The following KMT2E variants were observed in gnomAD, a reference collection of about 807,000 sequenced individuals.
KMT2E encodes histone reader KMT2E.
KMT2E carries 30 observed loss-of-function variants against 184.6 expected under a neutral mutation model. The ratio of observed to expected loss-of-function variants is 0.16; its 90% CI spans 0.12 to 0.22. KMT2E has a LOEUF of 0.22. Ranked by LOEUF, KMT2E falls within the 10% of genes least tolerant of loss-of-function variation. The pLI is 1.00. For synonymous variants in KMT2E, 815 were observed against 776.5 expected (o/e 1.05, Z -0.82); for missense variants, 2,023 against 2,237.4 (o/e 0.90, Z 1.93).
intron 6 of KMT2E, among the ~76,000 whole-genome samples, chr7:105,068,676 T>C (rs890229727): frequency 4.2e-5 from 6 of 142,930 alleles, no homozygotes; most frequent in Middle Eastern, 3.6e-3. Flanking sequence ...GGTTTCACCA[T>C]GTTGTCCAGG....
Position 105,090,037 on chromosome 7 carries a change from A to G in KMT2E, c.1387A>G (p.Lys463Glu), listed in dbSNP as rs201339599. Reference protein sequence around the residue: ...CKYKVDCACLKENPECPVLKR... With the variant: ...CKYKVDCACLEENPECPVLKR... ...GTACAAGGTGGACTGTGCATGCCTC[A>G]AAGAAAACCCAGAGTGCCCTGTTCT... The change falls in exon 14 of 27, where the codon AAA (lysine) becomes GAA (glutamate). Residue 463 changes from lysine to glutamate, a missense_variant. Physicochemically the swap from Lys to Glu is moderately conservative, Grantham distance 56 (BLOSUM62 1). Transcript: ENST00000311117. The G allele has an allele frequency of 7.7e-5, 124 of 1,613,316 alleles. No individual in the cohort carries two copies. In the East Asian group the frequency reaches 2.7e-3, roughly 35 times the overall value.
Position 105,069,381 on chromosome 7 carries a change from C to G in KMT2E, c.497+2574C>G, listed in dbSNP as rs145920673. 2.6e-3 allele frequency among the ~76,000 whole-genome samples: 392 copies of G among 152,298 alleles called. 1 individual carries two copies. The highest frequency in any genetic ancestry group is 9.1e-3 in the African/African-American group (377 of 41,558). On this transcript the variant is annotated intron_variant, in intron 6 of 26. Coordinates refer to ENST00000311117, the MANE Select transcript of KMT2E (RefSeq NM_182931.3). ...ATTAGAATATCTCACAATTGGTTAACTGTTTAATCCTACACAAGAATATAA... is the reference window on the plus strand; with the variant it reads ...ATTAGAATATCTCACAATTGGTTAAGTGTTTAATCCTACACAAGAATATAA...
intron 15 of KMT2E, among the ~76,000 whole-genome samples, chr7:105,097,565 T>G (rs1456253975): frequency 1.3e-5 from 2 of 152,076 alleles, no homozygotes; most frequent in Non-Finnish European, 2.9e-5. Flanking sequence ...TTTTGTATCT[T>G]TAGTAGAGAT....
chr7:105,095,978 G>A lies in KMT2E; in HGVS notation c.1722+4664G>A, dbSNP rs74924514. ...AAATACTAAAAGAGACTTGTTGCTG[G>A]GCTTGGTGGCTCACGCCTGCAACCC... On this transcript the variant is annotated intron_variant, in intron 15 of 26. Coordinates refer to ENST00000311117, the MANE Select transcript of KMT2E (RefSeq NM_182931.3). 2.5e-3 allele frequency among the ~76,000 whole-genome samples: 388 copies of A among 152,252 alleles called. 3 individuals are homozygous for A. The highest frequency in any genetic ancestry group is 4.7e-3 in the Non-Finnish European group (320 of 68,008).
chr7:105,096,489 G>T (rs1322650921), intron 15 of KMT2E, among the ~76,000 whole-genome samples: 1 of 152,122 alleles, frequency 6.6e-6, no homozygotes, highest in African/African-American at 2.4e-5. Context: ...GAGAAACGGT[G>T]AAAGGGTATG....
rs759403525 is a variant in KMT2E at position 105,112,549 on chromosome 7, C to T, written c.4793C>T (p.Thr1598Ile). The change falls in exon 27 of 27, where the codon ACA becomes ATA. Residue 1598 changes from threonine (T) to isoleucine (I), a missense_variant. Thr to Ile is a moderately conservative substitution (Grantham distance 89, BLOSUM62 -1). Transcript: ENST00000311117. ...QALPGTTSQQ[T>I]VPGHHVTPGH... The stretch of plus-strand genomic sequence containing the variant: ...CTTCCTGGCACCACAAGCCAGCAAA[C>T]AGTTCCAGGACACCACGTGACTCCA... The T allele has an allele frequency of 4.3e-6, 7 of 1,613,990 alleles. No individual in the cohort carries two copies. In the Admixed American group the frequency reaches 8.3e-5, roughly 19 times the overall value.
intron 13 of KMT2E, among the ~76,000 whole-genome samples, chr7:105,086,999 A>G (rs1300918528): frequency 2.0e-5 from 3 of 146,908 alleles, no homozygotes; most frequent in African/African-American, 7.4e-5. Context: ...TGTATATGCT[A>G]TTTGTTGGCA....
At chr7:105,071,922 A>T (rs918540693) in intron 6 of KMT2E, among the ~76,000 whole-genome samples, 1 of 149,922 alleles carries the variant, frequency 6.7e-6, no homozygotes, top group Non-Finnish European at 1.5e-5. Context: ...AGGTGTCTCT[A>T]TGTGGTTTTG....
At chr7:105,081,090 G>A (rs1044390456) in intron 12 of KMT2E, among the ~76,000 whole-genome samples, 5 of 151,056 alleles carry the variant, frequency 3.3e-5, no homozygotes, top group African/African-American at 1.2e-4. Context: ...TGAAAAAAAA[G>A]AATTGATGAG....
In KMT2E at chr7:105,074,855, C is replaced by T. The variant is rs200662379; in HGVS notation, c.729+40C>T. 6.9e-5 allele frequency: 99 copies of T among 1,443,940 alleles called. No homozygotes were observed. The African/African-American group carries it at 1.2e-3, about 17-fold the overall frequency. The allele number at this position is 1,443,940 out of a possible 1,614,324, so 89.4% of individuals were successfully genotyped here. A position where few individuals can be genotyped will look rare whatever the true frequency, so the allele number is the denominator to read the frequency against. On this transcript the variant is annotated intron_variant, in intron 8 of 26. Coordinates refer to ENST00000311117, the MANE Select transcript of KMT2E (RefSeq NM_182931.3). ...GTTTTTAGGTGAGTGGATAGGATAG[C>T]GGATAGGGAACTGAATTTTATAGGA...
chr7:105,015,011 G>A (rs920273435), intron 1 of KMT2E, among the ~76,000 whole-genome samples: 18 of 152,106 alleles, frequency 1.2e-4, no homozygotes, highest in African/African-American at 3.6e-4. Context: ...GGTATAATGT[G>A]CACATGAATA....
At chr7:105,069,729 A>G (rs1227774074) in intron 6 of KMT2E, among the ~76,000 whole-genome samples, 2 of 152,218 alleles carry the variant, frequency 1.3e-5, no homozygotes, top group Non-Finnish European at 2.9e-5. Context: ...TATTAATACA[A>G]TATCACAACT....
intron 17 of KMT2E, 134 bp from the exon 18 acceptor site, chr7:105,105,305 G>C (rs1281046242): frequency 3.6e-6 from 2 of 558,620 alleles, no homozygotes. Flanking sequence ...CTGATATTTT[G>C]ATCACATATG....
rs775902119 is a variant in KMT2E at position 105,107,391 on chromosome 7, A to G, written c.2934A>G (p.Thr978=). ...ATGACAGATCTTCAACCATGTTAAC[A>G]TTGGGGCCTTTTAGAAATTCTAATT... is the stretch of plus-strand genomic sequence containing the variant. ...EGYDRSSTML[T]LGPFRNSNLT... is the part of the protein sequence containing the mutation. The change falls in exon 22 of 27, where the codon ACA becomes ACG. Residue 978 remains threonine, a synonymous_variant. Transcript: ENST00000311117. 6.2e-7 allele frequency: 1 copy of G among 1,603,790 alleles called. No homozygotes were observed. Among genetic ancestry groups the G allele is most frequent in the Admixed American group, 1.7e-5 (1 of 57,714 alleles).
intron 3 of KMT2E, among the ~76,000 whole-genome samples, chr7:105,042,006 T>A (rs1446678193): frequency 6.6e-6 from 1 of 152,122 alleles, no homozygotes; most frequent in Non-Finnish European, 1.5e-5. Context: ...CTTTTTTTGT[T>A]GTTTGTTTTG....
At chr7:105,080,004 C>T (rs529717820) in intron 12 of KMT2E, among the ~76,000 whole-genome samples, 2 of 151,940 alleles carry the variant, frequency 1.3e-5, no homozygotes, top group South Asian at 2.1e-4. Context: ...CCACCATGCC[C>T]AACTAATGAT....
intron 1 of KMT2E, among the ~76,000 whole-genome samples, chr7:105,027,422 T>C (rs1795218482): frequency 6.6e-6 from 1 of 152,202 alleles, no homozygotes; most frequent in Admixed American, 6.5e-5. Context: ...GGACTCATTG[T>C]ATCCACCAAC....
At chr7:105,026,635 A>G (rs1795188517) in intron 1 of KMT2E, among the ~76,000 whole-genome samples, 1 of 152,172 alleles carries the variant, frequency 6.6e-6, no homozygotes, top group African/African-American at 2.4e-5. Context: ...GTATATTAGT[A>G]TTAATCGTTA....
chr7:105,108,271 G>A (rs559247378), intron 22 of KMT2E, among the ~76,000 whole-genome samples: 1 of 152,042 alleles, frequency 6.6e-6, no homozygotes, highest in Non-Finnish European at 1.5e-5. Context: ...TGTACATTGA[G>A]CAAGCACCCT....
Sources: gnomAD v4.1 joint callset for allele counts (sites outside exome capture counted in the v4.1 genomes callset) on GRCh38, gnomAD v4.1.1 for gene constraint, MANE v1.5 for transcripts, NCBI Gene and HGNC (gene_info 2026-07-23, HGNC 2026-07-21) for gene names.